Variants in VRK3 observed in about 807,000 individuals in gnomAD.
VRK3 encodes VRK serine/threonine kinase 3.
A neutral mutation model predicts 60.4 loss-of-function variants in VRK3; 50 were observed. That is an observed-to-expected ratio of 0.83 (90% confidence interval 0.66 to 1.05). VRK3 has a LOEUF of 1.05. Ranked by LOEUF, VRK3 falls within the 50% of genes least tolerant of loss-of-function variation. VRK3 has a pLI of 0.00. For missense variants in VRK3, 549 were observed against 585.3 expected, an observed-to-expected ratio of 0.94 and a Z score of 0.64; for synonymous variants, 246 against 227.8, an observed-to-expected ratio of 1.08 and a Z score of -0.72.
At chr19:50,018,550 T>G (rs138157364) in intron 2 of VRK3, among the ~76,000 whole-genome samples, 1 of 152,278 alleles carries the variant, frequency 6.6e-6, no homozygotes, top group East Asian at 1.9e-4. Context: ...GCCCTTCTGT[T>G]TTTTCAAACA....
chr19:49,977,527 C>T (rs1380826290), intron 14 of VRK3, among the ~76,000 whole-genome samples: 2 of 152,050 alleles, frequency 1.3e-5, no homozygotes, highest in Admixed American at 6.6e-5. Flanking sequence ...CTCGCTCCAT[C>T]GATAAACAGG....
Position 49,995,260 on chromosome 19 carries a change from T to C in VRK3, c.695A>G (p.Lys232Arg), listed in dbSNP as rs2122162960. ...GGCCAGCAGTGGGGTCGAGTACAGC[T>C]TCTTCCACTTGTTGACTGCGGAAAG... is the stretch of plus-strand genomic sequence containing the variant. ...AKPLQVNKWK[K>R]LYSTPLLAIP... Residue 232 changes from lysine (K) to arginine (R), a missense_variant, in exon 8 of 15, where the codon AAG becomes AGG. Physicochemically the swap from Lys to Arg is conservative, Grantham distance 26. Coordinates refer to ENST00000316763, the MANE Select transcript of VRK3 (RefSeq NM_016440.4). The C allele has an allele frequency of 6.2e-7, 1 of 1,614,168 alleles. No homozygotes were observed. The highest frequency in any genetic ancestry group is 8.5e-7 in the Non-Finnish European group (1 of 1,180,024).
intron 3 of VRK3, among the ~76,000 whole-genome samples, chr19:50,012,259 A>G (rs2122525880): frequency 6.6e-6 from 1 of 152,282 alleles, no homozygotes; most frequent in Non-Finnish European, 1.5e-5. Flanking sequence ...TGCGTGAGCC[A>G]CTGTGCCTGG....
At chr19:49,997,687 C>T in intron 6 of VRK3, 117 bp from the exon 7 acceptor site, 10 of 1,107,238 alleles carry the variant, frequency 9.0e-6, no homozygotes, top group Non-Finnish European at 1.3e-5. Context: ...CAAGTCCCCA[C>T]ATCGGAGCCA....
intron 10 of VRK3, among the ~76,000 whole-genome samples, chr19:49,990,322 G>A (rs150902157): frequency 1.3e-3 from 194 of 152,330 alleles, no homozygotes; most frequent in African/African-American, 4.5e-3. Flanking sequence ...GCTTAACTGA[G>A]TTTAAAACAA....
At chr19:49,982,288 C>G (rs2076437236) in intron 12 of VRK3, 1 of 694,710 alleles carries the variant, frequency 1.4e-6, no homozygotes, top group African/African-American at 1.8e-5. Flanking sequence ...CCATCTCAGG[C>G]TTTGGGACAT....
rs756282173 is a variant in VRK3, at chr19:49,995,228, T to C, written c.727A>G (p.Thr243Ala). 2.1e-5 allele frequency: 34 copies of C among 1,613,888 alleles called. No individual in the cohort carries two copies. Among genetic ancestry groups the C allele is most frequent in the Non-Finnish European group, 3.4e-6 (4 of 1,179,998 alleles). The change falls in exon 8 of 15, where the codon ACC (threonine) becomes GCC (alanine). Residue 243 changes from threonine (T) to alanine (A), a missense_variant. Physicochemically the swap from Thr to Ala is moderately conservative, Grantham distance 58. Coordinates refer to ENST00000316763, the MANE Select transcript of VRK3 (RefSeq NM_016440.4). The stretch of plus-strand genomic sequence containing the variant: ...TGGTGAACACCGAAACCCATGCAGG[T>C]AGGGATGGCCAGCAGTGGGGTCGAG... Reference protein sequence around the residue: ...LYSTPLLAIPTCMGFGVHQDK... With the variant: ...LYSTPLLAIPACMGFGVHQDK...
At chr19:50,008,949 G>A in intron 4 of VRK3, 1 of 358,980 alleles carries the variant, frequency 2.8e-6, no homozygotes, top group South Asian at 5.0e-5. Context: ...CAGGAACCAG[G>A]CCACACAGAT....
chr19:50,007,553 C>A lies in VRK3; in HGVS notation c.547+16G>T. On this transcript the variant is annotated intron_variant, in intron 5 of 14. Transcript: ENST00000316763. ...TGAGACGACCCAGTCCCTGGCCGCC[C>A]ATGGACAGAGTGTACCTTCATAGAG... The A allele has an allele frequency of 6.2e-7, 1 of 1,613,288 alleles. No individual in the cohort carries two copies. The highest frequency in any genetic ancestry group is 1.1e-5 in the South Asian group (1 of 91,066).
chr19:49,977,748 G>A (rs1269581923), intron 14 of VRK3, among the ~76,000 whole-genome samples: 2 of 152,120 alleles, frequency 1.3e-5, no homozygotes, highest in Non-Finnish European at 1.5e-5. Flanking sequence ...CTGGGTACAC[G>A]GAGGAGCTGT....
chr19:50,017,466 C>CG (rs976538858), intron 2 of VRK3, among the ~76,000 whole-genome samples: 23 of 147,838 alleles, frequency 1.6e-4, no homozygotes, highest in Admixed American at 7.6e-4. Flanking sequence ...CCCAGCTACT[C>CG]GGGAGGCTGA....
intron 12 of VRK3, 162 bp from the exon 13 acceptor site, chr19:49,981,175 CA>C (rs2076415759): frequency 3.0e-6 from 2 of 669,556 alleles, no homozygotes; most frequent in African/African-American, 3.6e-5. Flanking sequence ...CTGAATCAAC[CA>C]ATCCACTACC....
chr19:49,991,755 A>T (rs916701259), intron 10 of VRK3, among the ~76,000 whole-genome samples: 1 of 152,198 alleles, frequency 6.6e-6, no homozygotes, highest in Non-Finnish European at 1.5e-5. Context: ...GTGCAGAAGC[A>T]TGAGGAGTCC....
At chr19:50,023,439 C>G (rs1464668871) in intron 1 of VRK3, among the ~76,000 whole-genome samples, 2 of 152,254 alleles carry the variant, frequency 1.3e-5, no homozygotes, top group Non-Finnish European at 2.9e-5. Flanking sequence ...CCTCAGCCTC[C>G]CAAAGTCCTG....
intron 9 of VRK3, among the ~76,000 whole-genome samples, chr19:49,994,300 C>CAG (rs2076663266): frequency 6.6e-6 from 1 of 152,146 alleles, no homozygotes; most frequent in Admixed American, 6.6e-5. Context: ...GACACAGAAA[C>CAG]CATGTTTATG....
intron 5 of VRK3, 60 bp from the exon 6 acceptor site, chr19:50,000,914 C>T: frequency 6.6e-7 from 1 of 1,520,272 alleles, no homozygotes; most frequent in African/African-American, 1.4e-5. Context: ...GGGTCATCAT[C>T]CCCAAACTTC....
intron 12 of VRK3, among the ~76,000 whole-genome samples, chr19:49,984,403 C>T (rs1390005124): frequency 6.6e-6 from 1 of 152,132 alleles, no homozygotes; most frequent in Non-Finnish European, 1.5e-5. Context: ...AGGCATCTCC[C>T]AGGTGAGGGT....
At chr19:50,007,194 G>A (rs1568803533) in intron 5 of VRK3, among the ~76,000 whole-genome samples, 1 of 152,144 alleles carries the variant, frequency 6.6e-6, no homozygotes, top group South Asian at 2.1e-4. Flanking sequence ...CAAATTTTAC[G>A]TGGGGATCCA....
At chr19:49,989,251 G>A (rs930618337) in intron 11 of VRK3, among the ~76,000 whole-genome samples, 4 of 152,134 alleles carry the variant, frequency 2.6e-5, no homozygotes, top group African/African-American at 9.7e-5. Context: ...CTCTCCCAGG[G>A]CTTCGGCTGA....
Sources: gnomAD v4.1 joint callset for allele counts (sites outside exome capture counted in the v4.1 genomes callset) on GRCh38, gnomAD v4.1.1 for gene constraint, MANE v1.5 for transcripts, NCBI Gene and HGNC (gene_info 2026-07-23, HGNC 2026-07-21) for gene names.